Variants in MTHFD1L observed in about 807,000 individuals in gnomAD.
MTHFD1L encodes monofunctional C1-tetrahydrofolate synthase, mitochondrial.
In MTHFD1L, 81 loss-of-function variants were observed where a neutral mutation model predicts 119.5. The observed-to-expected ratio is 0.68, with a 90% confidence interval of 0.57 to 0.82. MTHFD1L has a LOEUF of 0.82. Ranked by LOEUF, MTHFD1L falls within the 40% of genes least tolerant of loss-of-function variation. MTHFD1L has a pLI of 0.00. For synonymous variants in MTHFD1L, 430 were observed against 475.2 expected (o/e 0.90, Z 1.24); for missense variants, 1,125 against 1,253.4 (o/e 0.90, Z 1.55).
intron 14 of MTHFD1L, 136 bp from the exon 15 acceptor site, chr6:150,945,331 C>A: frequency 3.2e-6 from 2 of 629,330 alleles, no homozygotes; most frequent in South Asian, 2.2e-5. Context: ...TTTATATTAG[C>A]CCACAAATTT....
Position 150,936,923 on chromosome 6 carries a change from C to A in MTHFD1L, c.1376C>A (p.Pro459Gln). 1 of 1,614,088 alleles carries A rather than the reference C, an allele frequency of 6.2e-7. No individual in the cohort carries two copies. Among genetic ancestry groups the A allele is most frequent in the Non-Finnish European group, 8.5e-7 (1 of 1,180,010 alleles). Residue 459 changes from proline (P) to glutamine (Q), a missense_variant, in exon 12 of 28, where the codon CCG (proline) becomes CAG (glutamine). This residue lies in a region of MTHFD1L where 1,058 missense variants were observed against 1,151.2 expected (regional missense o/e 0.92). Coordinates refer to ENST00000367321, the MANE Select transcript of MTHFD1L (RefSeq NM_015440.5). ...FACLRQPSQG[P>Q]TFGVKGGAAG... is the part of the protein sequence containing the mutation. ...TGCTTGAGGCAGCCTTCCCAAGGACCGACGTTTGGAGTGAAAGGTACTGTC... is the reference window on the plus strand; with the variant it reads ...TGCTTGAGGCAGCCTTCCCAAGGACAGACGTTTGGAGTGAAAGGTACTGTC...
intron 9 of MTHFD1L, 27 bp from the exon 10 acceptor site, chr6:150,922,178 A>C: frequency 6.4e-7 from 1 of 1,560,696 alleles, no homozygotes; most frequent in Non-Finnish European, 8.8e-7. Context: ...CCATTCTAAC[A>C]TGTTTTCCCC....
intron 26 of MTHFD1L, chr6:151,057,203 A>C: frequency 1.0e-6 from 1 of 985,038 alleles, no homozygotes; most frequent in Non-Finnish European, 1.2e-6. Context: ...CATGATCCTG[A>C]TTTCTGTCAA....
At chr6:151,013,197 T>C (rs1362367728) in intron 21 of MTHFD1L, among the ~76,000 whole-genome samples, 2 of 152,038 alleles carry the variant, frequency 1.3e-5, no homozygotes, top group Non-Finnish European at 2.9e-5. Flanking sequence ...CTGGGGAAGA[T>C]AGCAAGACCT....
intron 9 of MTHFD1L, among the ~76,000 whole-genome samples, chr6:150,920,722 A>G (rs143915838): frequency 2.0e-5 from 3 of 151,252 alleles, no homozygotes; most frequent in East Asian, 1.9e-4. Flanking sequence ...CCTATTCAGT[A>G]TAAGTTTATC....
At chr6:151,077,806 G>A (rs1230720796) in intron 26 of MTHFD1L, among the ~76,000 whole-genome samples, 1 of 152,152 alleles carries the variant, frequency 6.6e-6, no homozygotes, top group Non-Finnish European at 1.5e-5. Flanking sequence ...GCTCACGCTT[G>A]TAATCCCAGC....
intron 6 of MTHFD1L, among the ~76,000 whole-genome samples, chr6:150,887,095 C>T (rs906189579): frequency 6.6e-6 from 1 of 151,602 alleles, no homozygotes; most frequent in Non-Finnish European, 1.5e-5. Context: ...TACCCCTGAA[C>T]ATCCAACAAT....
At chr6:150,946,463 T>C (rs1793964816) in intron 15 of MTHFD1L, among the ~76,000 whole-genome samples, 1 of 152,210 alleles carries the variant, frequency 6.6e-6, no homozygotes, top group Non-Finnish European at 1.5e-5. Flanking sequence ...TCTACGTTTT[T>C]GTTGCAGCAA....
intron 26 of MTHFD1L, among the ~76,000 whole-genome samples, chr6:151,091,963 C>A (rs1423497921): frequency 6.6e-6 from 1 of 152,170 alleles, no homozygotes; most frequent in Non-Finnish European, 1.5e-5. Flanking sequence ...ACAAAGCAAG[C>A]TCTCAGTAGA....
intron 7 of MTHFD1L, among the ~76,000 whole-genome samples, chr6:150,897,994 G>A (rs1026784839): frequency 2.0e-5 from 3 of 152,036 alleles, no homozygotes; most frequent in South Asian, 2.1e-4. Context: ...ACAAGCATGC[G>A]CCACCACGCC....
chr6:150,997,983 CCAGAGGTAGACT>C (rs1402422418), intron 20 of MTHFD1L, among the ~76,000 whole-genome samples: 1 of 152,114 alleles, frequency 6.6e-6, no homozygotes, highest in Non-Finnish European at 1.5e-5. Flanking sequence ...TAAGGAATCA[CCAGAGGTAGACT>C]CTGTGCCTGT....
At chr6:150,886,786 T>A (rs1035795526) in intron 6 of MTHFD1L, among the ~76,000 whole-genome samples, 2 of 151,872 alleles carry the variant, frequency 1.3e-5, no homozygotes, top group Non-Finnish European at 2.9e-5. Flanking sequence ...CCCAGGAGTT[T>A]GAGACCAGCT....
chr6:150,957,534 A>G (rs1473021789), intron 17 of MTHFD1L, among the ~76,000 whole-genome samples: 2 of 152,186 alleles, frequency 1.3e-5, no homozygotes, highest in Non-Finnish European at 2.9e-5. Flanking sequence ...AAAATGTGTA[A>G]CGTACAGGAA....
chr6:150,982,691 C>T (rs146858168), intron 20 of MTHFD1L, among the ~76,000 whole-genome samples: 4,186 of 151,730 alleles, frequency 0.028, 205 homozygotes, highest in Admixed American at 0.14. Flanking sequence ...CACGTTTGTC[C>T]TGACACTTCT....
chr6:150,944,387 A>T (rs1009683999), intron 13 of MTHFD1L, 99 bp from the exon 14 acceptor site: 12 of 822,884 alleles, frequency 1.5e-5, no homozygotes, highest in Non-Finnish European at 1.8e-5. Context: ...GTTTGAGAAT[A>T]CAGTGAGCTA....
In MTHFD1L at chr6:150,916,847, C is replaced by T. The variant is rs1245735043; in HGVS notation, c.893-1730C>T. On this transcript the variant is annotated intron_variant, in intron 8 of 27. Transcript: ENST00000367321. Reference sequence around the variant, plus strand: ...GCACGATCTCAGCTCACTGCAACCTCGGCCTCCCGGTTCAAGCGATTCTCC... The same window carrying T: ...GCACGATCTCAGCTCACTGCAACCTTGGCCTCCCGGTTCAAGCGATTCTCC... Among the ~76,000 whole-genome samples, 6 of 139,342 alleles carry T rather than the reference C, an allele frequency of 4.3e-5. No homozygotes were observed. The South Asian group carries it at 9.8e-4, about 23-fold the overall frequency. 91.4% of individuals were successfully genotyped at this position (139,342 alleles called of 152,430 possible). A position where few individuals can be genotyped will look rare whatever the true frequency, so the allele number is the denominator to read the frequency against.
intron 20 of MTHFD1L, among the ~76,000 whole-genome samples, chr6:150,993,939 G>T (rs141960623): frequency 4.6e-5 from 7 of 151,390 alleles, no homozygotes; most frequent in Non-Finnish European, 7.4e-5. Context: ...AAAACACTGC[G>T]CAGTGTTGAA....
intron 9 of MTHFD1L, among the ~76,000 whole-genome samples, chr6:150,921,334 G>C (rs529358623): frequency 2.0e-5 from 3 of 151,988 alleles, no homozygotes; most frequent in Non-Finnish European, 2.9e-5. Flanking sequence ...GGTCAGGCTG[G>C]TCTCGAACTC....
At chr6:151,058,831 G>T (rs1201116055) in intron 26 of MTHFD1L, among the ~76,000 whole-genome samples, 1 of 152,142 alleles carries the variant, frequency 6.6e-6, no homozygotes, top group Non-Finnish European at 1.5e-5. Flanking sequence ...GTGCCGCCAC[G>T]CCAGGCTAAT....
Sources: gnomAD v4.1 joint callset for allele counts (sites outside exome capture counted in the v4.1 genomes callset) on GRCh38, gnomAD v4.1.1 for gene constraint, gnomAD v4.1.1 regional missense constraint, MANE v1.5 for transcripts, NCBI Gene and HGNC (gene_info 2026-07-23, HGNC 2026-07-21) for gene names.